The following OSBPL6 variants were observed in gnomAD, a reference collection of about 807,000 sequenced individuals.
OSBPL6 encodes the protein oxysterol binding protein like 6.
Under a neutral mutation model 125.8 loss-of-function variants are expected in OSBPL6, and 49 were observed. The ratio of observed to expected loss-of-function variants is 0.39; its 90% CI spans 0.31 to 0.49. The LOEUF (loss-of-function observed/expected upper bound fraction) is 0.49, where lower values mean the gene tolerates loss of function less well. OSBPL6 is among the 20% of genes least tolerant of loss of function. OSBPL6 has a pLI of 0.88. For synonymous variants in OSBPL6, 394 were observed against 391.8 expected (o/e 1.01, Z -0.07); for missense variants, 986 against 1,135.4 (o/e 0.87, Z 1.89).
intron 12 of OSBPL6, among the ~76,000 whole-genome samples, chr2:178,357,489 A>G (rs1231059048): frequency 1.3e-5 from 2 of 152,254 alleles, no homozygotes; most frequent in Non-Finnish European, 2.9e-5. Flanking sequence ...AAAAATGCTC[A>G]TCATCACTGG....
chr2:178,230,498 C>T (rs1356139362), intron 1 of OSBPL6: 1 of 152,084 alleles, frequency 6.6e-6, no homozygotes, highest in Non-Finnish European at 1.5e-5. Context: ...ATATAATACC[C>T]GAGGAAGTCT....
chr2:178,271,974 T>C (rs914123932), intron 1 of OSBPL6, among the ~76,000 whole-genome samples: 4 of 152,234 alleles, frequency 2.6e-5, no homozygotes, highest in Non-Finnish European at 5.9e-5. Flanking sequence ...CTTAGATTGT[T>C]CTTTCAGGAT....
At chr2:178,282,318 A>G (rs1684276939) in intron 1 of OSBPL6, among the ~76,000 whole-genome samples, 1 of 152,138 alleles carries the variant, frequency 6.6e-6, no homozygotes, top group Non-Finnish European at 1.5e-5. Context: ...TTCCTTAGAT[A>G]TGGTTAGTGA....
At chr2:178,382,597 C>A in intron 16 of OSBPL6, 90 bp downstream of exon 16, 1 of 1,566,554 alleles carries the variant, frequency 6.4e-7, no homozygotes, top group South Asian at 1.2e-5. Flanking sequence ...CCTCCCACGC[C>A]ACCCCCACCC....
intron 1 of OSBPL6, among the ~76,000 whole-genome samples, chr2:178,270,544 T>G (rs2092354590): frequency 6.6e-6 from 1 of 152,130 alleles, no homozygotes; most frequent in Admixed American, 6.5e-5. Flanking sequence ...CCGACATGGT[T>G]CCAGACACGG....
intron 3 of OSBPL6, among the ~76,000 whole-genome samples, chr2:178,315,816 C>T (rs1250189360): frequency 6.6e-6 from 1 of 152,166 alleles, no homozygotes; most frequent in East Asian, 1.9e-4. Context: ...GCCTGAGAAT[C>T]TGTTGTTTAC....
At chr2:178,256,762 TGAACCA>T (rs1175232551) in intron 1 of OSBPL6, among the ~76,000 whole-genome samples, 1 of 152,230 alleles carries the variant, frequency 6.6e-6, no homozygotes, top group Non-Finnish European at 1.5e-5. Flanking sequence ...AGTATGTTTT[TGAACCA>T]GAATATGCTT....
intron 1 of OSBPL6, among the ~76,000 whole-genome samples, chr2:178,284,063 A>T (rs1684468120): frequency 6.6e-6 from 1 of 152,156 alleles, no homozygotes; most frequent in Non-Finnish European, 1.5e-5. Context: ...TTTCTGAGAA[A>T]TTATGTCAAG....
chr2:178,301,144 G>A (rs1369379013), intron 2 of OSBPL6, among the ~76,000 whole-genome samples: 10 of 151,862 alleles, frequency 6.6e-5, no homozygotes, highest in Non-Finnish European at 1.0e-4. Flanking sequence ...TGGGAAGGAT[G>A]GACAAAGTTT....
intron 1 of OSBPL6, among the ~76,000 whole-genome samples, chr2:178,251,802 A>G (rs1324271656): frequency 6.6e-6 from 1 of 152,170 alleles, no homozygotes; most frequent in Admixed American, 6.5e-5. Context: ...TTGCTGCTCT[A>G]CTGCATTTTC....
intron 1 of OSBPL6, among the ~76,000 whole-genome samples, chr2:178,208,629 TCCCTCCCCTCCCCTCCCTTC>T (rs2089665529): frequency 7.0e-6 from 1 of 143,416 alleles, no homozygotes; most frequent in African/African-American, 2.6e-5. Flanking sequence ...CCTCTGTCTT[TCCCTCCCCTCCCCTCCCTTC>T]CCCTCCCCTT....
rs1356499611 is a variant in OSBPL6, at chr2:178,398,415, T to C, written c.*2856T>C. 6.6e-6 allele frequency: 1 copy of C among 152,240 alleles called. No individual in the cohort carries two copies. The highest frequency in any genetic ancestry group is 2.4e-5 in the African/African-American group (1 of 41,466). 9.4% of individuals were successfully genotyped at this position (152,240 alleles called of 1,614,324 possible). On this transcript the variant is annotated 3_prime_UTR_variant, in exon 25 of 25. Transcript: ENST00000190611. ...GAGCAGTAATAAGTGACGATGATTC[T>C]GAGGACTTGGCTAGACTGAGCGGAT...
intron 3 of OSBPL6, among the ~76,000 whole-genome samples, chr2:178,322,277 G>T (rs1688311525): frequency 6.6e-6 from 1 of 152,158 alleles, no homozygotes; most frequent in Non-Finnish European, 1.5e-5. Flanking sequence ...ATGTATCTGT[G>T]TTTTATTGCC....
intron 15 of OSBPL6, 66 bp downstream of exon 15, chr2:178,374,093 A>G: frequency 1.3e-6 from 2 of 1,531,284 alleles, no homozygotes; most frequent in South Asian, 1.2e-5. Context: ...AAAGAACATA[A>G]AACTGTGGAA....
chr2:178,361,927 G>A, intron 13 of OSBPL6, 112 bp downstream of exon 13: 1 of 1,290,902 alleles, frequency 7.7e-7, no homozygotes, highest in South Asian at 1.7e-5. Flanking sequence ...GGATAGTACA[G>A]TTTGCAGAAT....
chr2:178,209,439 C>CTTTTTTTT (rs71850875), intron 1 of OSBPL6, among the ~76,000 whole-genome samples: 4 of 95,742 alleles, frequency 4.2e-5, no homozygotes, highest in Admixed American at 2.3e-4. Context: ...TTCTTTCTTT[C>CTTTTTTTT]TTTTTTTTTT....
chr2:178,354,148 A>G (rs1691553664), intron 12 of OSBPL6, among the ~76,000 whole-genome samples: 1 of 152,256 alleles, frequency 6.6e-6, no homozygotes, highest in African/African-American at 2.4e-5. Flanking sequence ...AATTGTAAAG[A>G]CCATTGATGC....
chr2:178,215,775 G>C (rs2090068926), intron 1 of OSBPL6, among the ~76,000 whole-genome samples: 1 of 152,168 alleles, frequency 6.6e-6, no homozygotes, highest in Admixed American at 6.5e-5. Context: ...GCAGAGTTTT[G>C]TCAACTGAGG....
rs1553574865 is a variant in OSBPL6, at chr2:178,379,285, A to AAG, written c.1534-3134_1534-3133insGA. 1.5e-3 allele frequency among the ~76,000 whole-genome samples: 207 copies of AAG among 141,926 alleles called. 1 individual carries two copies. The highest frequency in any genetic ancestry group is 4.9e-3 in the African/African-American group (189 of 38,536). 93.1% of individuals were successfully genotyped at this position (141,926 alleles called of 152,430 possible). ...ACAAAGAAAGAGAAAGAAAGAAAGA[A>AAG]AAGAAAGAAAGAAGAAAGAAAGAAA... On this transcript the variant is annotated intron_variant, in intron 15 of 24. Transcript: ENST00000190611.
Sources: allele counts gnomAD v4.1 joint callset (sites outside exome capture counted in the v4.1 genomes callset), GRCh38; gene constraint gnomAD v4.1.1; transcripts MANE v1.5; gene names NCBI Gene and HGNC (gene_info 2026-07-23, HGNC 2026-07-21).